The following SLC37A1 variants were observed in gnomAD, a reference collection of about 807,000 sequenced individuals.
The protein encoded by SLC37A1 is solute carrier family 37 member 1.
In SLC37A1, 49 loss-of-function variants were observed where a neutral mutation model predicts 75.3. That is an observed-to-expected ratio of 0.65 (90% CI 0.52 to 0.83). SLC37A1 has a LOEUF of 0.83. Ranked by LOEUF, SLC37A1 falls within the 40% of genes least tolerant of loss-of-function variation. The pLI is 0.00. For synonymous variants in SLC37A1, 268 were observed against 292.1 expected, an observed-to-expected ratio of 0.92 and a Z score of 0.84; for missense variants, 566 against 695.0, an observed-to-expected ratio of 0.81 and a Z score of 2.09.
upstream of SLC37A1, among the ~76,000 whole-genome samples, chr21:42,511,826 T>C (rs988514327): frequency 2.0e-5 from 3 of 151,400 alleles, no homozygotes; most frequent in African/African-American, 7.3e-5. Context: ...AAAAGAAAAA[T>C]ATGCATGACC....
intron 2 of SLC37A1, among the ~76,000 whole-genome samples, chr21:42,503,791 G>C (rs1175737759): frequency 6.6e-6 from 1 of 152,210 alleles, no homozygotes; most frequent in African/African-American, 2.4e-5. Context: ...TATCGGAAGA[G>C]CTAAATGAAC....
At chr21:42,540,760 C>G (rs983776318) in intron 6 of SLC37A1, among the ~76,000 whole-genome samples, 2 of 152,220 alleles carry the variant, frequency 1.3e-5, no homozygotes, top group East Asian at 3.8e-4. Flanking sequence ...ATAAAACCAT[C>G]AAGCAGATTG....
At chr21:42,567,196 TC>T in intron 16 of SLC37A1, 138 bp downstream of exon 16, 1 of 811,414 alleles carries the variant, frequency 1.2e-6, no homozygotes, top group Non-Finnish European at 2.0e-6. Context: ...ACCTGTGGTC[TC>T]CAGCCTTCCC....
intron 3 of SLC37A1, among the ~76,000 whole-genome samples, chr21:42,534,322 T>G (rs1015446392): frequency 2.0e-5 from 3 of 152,212 alleles, no homozygotes; most frequent in Non-Finnish European, 1.5e-5. Flanking sequence ...GTTGTGTGAA[T>G]CTAGGAAAAT....
intron 14 of SLC37A1, 83 bp downstream of exon 14, chr21:42,564,876 T>C: frequency 7.6e-7 from 1 of 1,314,854 alleles, no homozygotes; most frequent in Non-Finnish European, 1.1e-6. Flanking sequence ...TCCTTCCATC[T>C]GGCCCGTGCT....
intron 5 of SLC37A1, among the ~76,000 whole-genome samples, chr21:42,538,602 C>T (rs961833737): frequency 1.3e-5 from 2 of 152,148 alleles, no homozygotes; most frequent in African/African-American, 4.8e-5. Flanking sequence ...CACGTCCATC[C>T]GTGATACTCT....
In SLC37A1 at chr21:42,515,252, C is replaced by A. The variant is rs1390778520; in HGVS notation, c.-179+535C>A. Among the ~76,000 whole-genome samples the A allele has an allele frequency of 2.6e-5, 4 of 151,626 alleles. No individual in the cohort carries two copies. The East Asian group carries it at 7.7e-4, about 29-fold the overall frequency. ...AGCCATAGAAAGAGCACACTCTGGA[C>A]AGGAAGTTGTATTCTATCTCGTAAT... On this transcript the variant is annotated intron_variant, in intron 1 of 19. Transcript: ENST00000352133.
At position 42,547,281 on chromosome 21, in the gene SLC37A1, G is replaced by T; in HGVS notation, c.768+141G>T. Reference sequence around the variant, plus strand: ...CACCCTCAAAACATTGGCAGTTCTAGGAATAGAGAATATTCTGTTTTGGGT... The same window carrying T: ...CACCCTCAAAACATTGGCAGTTCTATGAATAGAGAATATTCTGTTTTGGGT... On this transcript the variant is annotated intron_variant, in intron 9 of 19. Coordinates refer to ENST00000352133, the MANE Select transcript of SLC37A1 (RefSeq NM_001320537.2). This position sits in a 1 kb window ranked among gnomAD's most constrained non-coding sequence, Gnocchi z 6.1. The T allele has an allele frequency of 1.1e-6, 1 of 881,900 alleles. No individual in the cohort carries two copies. The highest frequency in any genetic ancestry group is 1.8e-6 in the Non-Finnish European group (1 of 546,506). The allele number at this position is 881,900 out of a possible 1,614,324, so 54.6% of individuals were successfully genotyped here.
At chr21:42,574,024 TAC>T (rs1005440515) in intron 17 of SLC37A1, among the ~76,000 whole-genome samples, 12 of 152,300 alleles carry the variant, frequency 7.9e-5, no homozygotes, top group South Asian at 2.1e-4. Context: ...CCCGTGTTTT[TAC>T]ACACACACAT....
In SLC37A1 at chr21:42,568,398, C is replaced by T. The variant is rs574456934; in HGVS notation, c.1383C>T (p.Leu461=). 1 of 1,614,188 alleles carries T rather than the reference C, an allele frequency of 6.2e-7. No homozygotes were observed. Among genetic ancestry groups the T allele is most frequent in the East Asian group, 2.2e-5 (1 of 44,882 alleles). ...GTCTGAAAGGCAACGCGCACGCCCT[C>T]TCCACCGTGACGGCCATCATTGACG... ...HKSLKGNAHA[L]STVTAIIDGT... Residue 461 remains leucine (L), a synonymous_variant, in exon 17 of 20, where the codon CTC becomes CTT. Transcript: ENST00000352133.
chr21:42,534,431 C>T (rs560933070), intron 3 of SLC37A1, among the ~76,000 whole-genome samples: 50 of 152,260 alleles, frequency 3.3e-4, no homozygotes, highest in African/African-American at 1.2e-3. Flanking sequence ...GGCTCGTCTT[C>T]TGGTGGCATA....
At chr21:42,553,990 C>T in intron 9 of SLC37A1, 72 bp from the exon 10 acceptor site, 2 of 1,290,642 alleles carry the variant, frequency 1.5e-6, no homozygotes, top group Non-Finnish European at 2.2e-6. Flanking sequence ...AGTATCCTTG[C>T]TACAGTAAAG....
chr21:42,528,808 G>A (rs542198549), intron 3 of SLC37A1, among the ~76,000 whole-genome samples: 3 of 152,230 alleles, frequency 2.0e-5, no homozygotes, highest in Non-Finnish European at 2.9e-5. Flanking sequence ...CAGCCTGGGC[G>A]ACAAAGTGAA....
At chr21:42,510,524 T>TTATC (rs3996170), upstream of SLC37A1, among the ~76,000 whole-genome samples, 121,788 of 151,546 alleles carry the variant, frequency 0.8, 49,395 homozygotes, top group Admixed American at 0.83. Flanking sequence ...TAGTAAGTCC[T>TTATC]TATCAATAAT....
At position 42,563,868 on chromosome 21, in the gene SLC37A1, G is replaced by T. The variant is rs757935332; in HGVS notation, c.1126G>T (p.Gly376Ter). 2 of 1,614,140 alleles carry T rather than the reference G, an allele frequency of 1.2e-6. No individual in the cohort carries two copies. The highest frequency in any genetic ancestry group is 1.7e-6 in the Non-Finnish European group (2 of 1,180,022). The change falls in exon 13 of 20, where the codon GGA becomes TGA. Residue 376 changes from glycine (G) to a stop codon, truncating the protein, a stop_gained. Transcript: ENST00000352133. LOFTEE classifies it high-confidence loss of function. ...GCTCTCCACCCTGTTTGACGTGGGCGGAATCTTTGGTGAGTTCATTAAGAC... is the reference window on the plus strand; with the variant it reads ...GCTCTCCACCCTGTTTGACGTGGGCTGAATCTTTGGTGAGTTCATTAAGAC... ...GELSTLFDVG[G>*]IFGGILAGVI... is the part of the protein sequence containing the mutation.
chr21:42,550,123 C>G (rs1387503983), intron 9 of SLC37A1, among the ~76,000 whole-genome samples: 1 of 152,230 alleles, frequency 6.6e-6, no homozygotes, highest in Non-Finnish European at 1.5e-5. Context: ...CATTATCACA[C>G]TTAAAAACCA....
In SLC37A1 at chr21:42,539,778, A is replaced by G. The variant is rs1052118557; in HGVS notation, c.486+131A>G. On this transcript the variant is annotated intron_variant, in intron 6 of 19. Transcript: ENST00000352133. ...GTGCGTCCTGTCGGAAGTCAGGGTC[A>G]GCTGACGTAACAAAGTCCTTCCCTT... 5 of 860,554 alleles carry G rather than the reference A, an allele frequency of 5.8e-6. No individual in the cohort carries two copies. The South Asian group carries it at 7.1e-5, about 12-fold the overall frequency. 53.3% of individuals were successfully genotyped at this position (860,554 alleles called of 1,614,324 possible).
intron 3 of SLC37A1, among the ~76,000 whole-genome samples, chr21:42,528,671 C>CA (rs1271937708): frequency 1.3e-5 from 2 of 151,780 alleles, no homozygotes; most frequent in East Asian, 1.9e-4. Context: ...ACTAAAAATA[C>CA]AAAAAAAATT....
chr21:42,513,351 G>T (rs1357425899), upstream of SLC37A1, among the ~76,000 whole-genome samples: 1 of 152,252 alleles, frequency 6.6e-6, no homozygotes, highest in Non-Finnish European at 1.5e-5. Context: ...AAGTTGGTTC[G>T]ACATAGCCAA....
Sources: allele counts gnomAD v4.1 joint callset (sites outside exome capture counted in the v4.1 genomes callset), GRCh38; gene constraint gnomAD v4.1.1; non-coding constraint Gnocchi (gnomAD v3.1); transcripts MANE v1.5; gene names NCBI Gene and HGNC (gene_info 2026-07-23, HGNC 2026-07-21).